The following POPDC1 variants were observed in gnomAD, a reference collection of about 807,000 sequenced individuals.
POPDC1 encodes popeye domain-containing protein 1.
the POPDC1 span, among the ~76,000 whole-genome samples, chr6:105,133,969 A>G: frequency 5.3e-5 from 8 of 152,192 alleles, no homozygotes; most frequent in African/African-American, 1.9e-4. Flanking sequence ...AAAGTTATTT[A>G]GTCTAGTCTT....
At chr6:105,132,561 T>C in the POPDC1 span, among the ~76,000 whole-genome samples, 1 of 152,166 alleles carries the variant, frequency 6.6e-6, no homozygotes, top group Non-Finnish European at 1.5e-5. Context: ...CAAGAGTGTC[T>C]TTCTCAAGGA....
the POPDC1 span, among the ~76,000 whole-genome samples, chr6:105,118,650 C>T: frequency 3.3e-5 from 5 of 152,256 alleles, no homozygotes; most frequent in African/African-American, 1.2e-4. Flanking sequence ...GTTTTGACAA[C>T]TATAGAACAG....
the POPDC1 span, chr6:105,133,676 G>T: frequency 1.1e-6 from 1 of 921,722 alleles, no homozygotes; most frequent in Non-Finnish European, 1.6e-6. Context: ...AATTATTTCT[G>T]TGAATTAAAT....
the POPDC1 span, among the ~76,000 whole-genome samples, chr6:105,132,265 C>T: frequency 0.88 from 133,781 of 152,238 alleles, 59,777 homozygotes; most frequent in Non-Finnish European, 0.96. Flanking sequence ...TGTGTCCAGC[C>T]CATTTATATT....
the POPDC1 span, among the ~76,000 whole-genome samples, chr6:105,118,045 G>A: frequency 1.3e-5 from 2 of 152,144 alleles, no homozygotes; most frequent in African/African-American, 4.8e-5. Flanking sequence ...GAGACCCCTG[G>A]GTGACAAGCG....
At chr6:105,103,267 G>T in the POPDC1 span, among the ~76,000 whole-genome samples, 2 of 152,190 alleles carry the variant, frequency 1.3e-5, no homozygotes, top group African/African-American at 4.8e-5. Context: ...TGCCTGGGAT[G>T]TAATAACCAC....
chr6:105,133,658 T>C, the POPDC1 span: 3 of 1,069,994 alleles, frequency 2.8e-6, no homozygotes, highest in East Asian at 2.4e-5. Flanking sequence ...TCATAGGTAT[T>C]ATACCAAAAT....
the POPDC1 span, chr6:105,133,415 C>G: frequency 6.2e-7 from 1 of 1,613,742 alleles, no homozygotes. Flanking sequence ...ATAACCAACC[C>G]AACTGCAAAA....
chr6:105,126,226 C>CA, the POPDC1 span, among the ~76,000 whole-genome samples: 51 of 108,354 alleles, frequency 4.7e-4, 1 homozygote, highest in South Asian at 5.9e-3. Context: ...AACTCGGTAT[C>CA]AAAAAAAAAT....
the POPDC1 span, among the ~76,000 whole-genome samples, chr6:105,104,368 G>T: frequency 5.3e-5 from 8 of 152,162 alleles, no homozygotes; most frequent in Admixed American, 1.3e-4. Context: ...CAGGCATCTT[G>T]AGTGCTGTAA....
the POPDC1 span, among the ~76,000 whole-genome samples, chr6:105,131,701 C>T: frequency 6.6e-6 from 1 of 152,244 alleles, no homozygotes; most frequent in African/African-American, 2.4e-5. Context: ...CAGGCGTTAG[C>T]CACTATGCCT....
chr6:105,133,024 C>A, the POPDC1 span, among the ~76,000 whole-genome samples: 1 of 152,092 alleles, frequency 6.6e-6, no homozygotes, highest in Non-Finnish European at 1.5e-5. Context: ...ATCACTTGCC[C>A]AAGTTACAGT....
chr6:105,121,351 C>T, the POPDC1 span, among the ~76,000 whole-genome samples: 2 of 150,196 alleles, frequency 1.3e-5, no homozygotes, highest in Non-Finnish European at 3.0e-5. Flanking sequence ...CTGCAACCTC[C>T]GCCTCCCGAG....
chr6:105,129,588 C>T, the POPDC1 span: 1 of 1,311,604 alleles, frequency 7.6e-7, no homozygotes, highest in East Asian at 2.4e-5. Flanking sequence ...TCTATATATA[C>T]AGTAGTCCTC....
chr6:105,135,145 C>T, the POPDC1 span, among the ~76,000 whole-genome samples: 8 of 152,172 alleles, frequency 5.3e-5, no homozygotes, highest in South Asian at 2.1e-4. Flanking sequence ...TCCTGTTTGT[C>T]CTCTAGGAGG....
the POPDC1 span, chr6:105,124,623 T>C: frequency 6.2e-7 from 1 of 1,612,044 alleles, no homozygotes; most frequent in Non-Finnish European, 8.5e-7. Context: ...GTAAATGTTA[T>C]GCAGAAAATG....
chr6:105,124,733 T>C, the POPDC1 span: 47 of 1,056,890 alleles, frequency 4.4e-5, no homozygotes, highest in African/African-American at 6.5e-4. Flanking sequence ...TATCATCTTA[T>C]GCGATTTTAT....
chr6:105,110,565 A>G, the POPDC1 span, among the ~76,000 whole-genome samples: 1 of 152,236 alleles, frequency 6.6e-6, no homozygotes, highest in Non-Finnish European at 1.5e-5. Flanking sequence ...AAATAAATAT[A>G]GAAGAGAACC....
At chr6:105,135,619 A>G in the POPDC1 span, among the ~76,000 whole-genome samples, 1 of 152,302 alleles carries the variant, frequency 6.6e-6, no homozygotes, top group East Asian at 1.9e-4. Context: ...AAATGACAGG[A>G]AAACTACTAT....
Sources: gnomAD v4.1 joint callset for allele counts (sites outside exome capture counted in the v4.1 genomes callset) on GRCh38, gnomAD v4.1.1 for gene constraint, MANE v1.5 for transcripts, NCBI Gene and HGNC (gene_info 2026-07-23, HGNC 2026-07-21) for gene names.